The following MGRN1 variants were observed in gnomAD, a reference collection of about 807,000 sequenced individuals.
MGRN1 encodes E3 ubiquitin-protein ligase MGRN1.
A neutral mutation model predicts 69.2 loss-of-function variants in MGRN1; 29 were observed. The observed-to-expected ratio is 0.42, with a 90% confidence interval of 0.31 to 0.57. The LOEUF is 0.57. MGRN1 is among the 20% of genes least tolerant of loss of function. The pLI, the probability that MGRN1 is intolerant of heterozygous loss-of-function variation, is 0.15. For missense variants in MGRN1, 998 were observed against 796.2 expected (o/e 1.25, Z -3.05); for synonymous variants, 470 against 344.2 (o/e 1.37, Z -4.04).
chr16:4,634,410 T>A lies in MGRN1; in HGVS notation c.88+9362T>A, dbSNP rs185380591. On this transcript the variant is annotated intron_variant, in intron 1 of 16. Transcript: ENST00000262370. ...CCCACCTCCCAGACCCGGTGCCGCC[T>A]GGGTCCGACATTGCCTGGCTTTCCC... 3.3e-5 allele frequency: 5 copies of A among 152,714 alleles called. No homozygotes were observed. In the East Asian group the frequency reaches 9.6e-4, roughly 29 times the overall value. 9.5% of individuals were successfully genotyped at this position (152,714 alleles called of 1,614,324 possible).
At chr16:4,667,613 C>T (rs1159680957) in intron 7 of MGRN1, among the ~76,000 whole-genome samples, 1 of 152,206 alleles carries the variant, frequency 6.6e-6, no homozygotes, top group Non-Finnish European at 1.5e-5. Context: ...TTAGAACCCA[C>T]CAGCCTCACT....
chr16:4,677,362 C>T (rs1034661577), intron 10 of MGRN1, 101 bp from the exon 11 acceptor site: 5 of 852,352 alleles, frequency 5.9e-6, no homozygotes, highest in African/African-American at 3.6e-5. Flanking sequence ...CACCCCAGGA[C>T]CCCTATGGTG....
At chr16:4,641,328 G>A (rs923864613) in intron 1 of MGRN1, among the ~76,000 whole-genome samples, 1 of 151,722 alleles carries the variant, frequency 6.6e-6, no homozygotes, top group Non-Finnish European at 1.5e-5. Context: ...GGATACCCAT[G>A]TGTGAGCAAT....
rs950224969 is a variant in MGRN1 at position 4,690,153 on chromosome 16, G to A, written c.*1245G>A. The A allele has an allele frequency of 2.0e-5, 3 of 152,494 alleles. No homozygotes were observed. The highest frequency in any genetic ancestry group is 2.0e-4 in the Admixed American group (3 of 15,310). 9.4% of individuals were successfully genotyped at this position (152,494 alleles called of 1,614,324 possible). On this transcript the variant is annotated 3_prime_UTR_variant, in exon 17 of 17. Transcript: ENST00000262370. ...GAGGAGGAAGCCAGCAGCACACCTG[G>A]GGAATGGGGTCCCGGCCGGGAGGCT...
chr16:4,652,444 G>C (rs2078430358), intron 3 of MGRN1, among the ~76,000 whole-genome samples: 1 of 152,148 alleles, frequency 6.6e-6, no homozygotes, highest in South Asian at 2.1e-4. Flanking sequence ...AGGCATCTGG[G>C]GCTGTCTCTG....
intron 2 of MGRN1, chr16:4,650,781 C>G (rs1214823434): frequency 3.6e-6 from 1 of 279,800 alleles, no homozygotes; most frequent in African/African-American, 2.2e-5. Flanking sequence ...TTGATTCCAG[C>G]CTTCTTGGAT....
intron 1 of MGRN1, among the ~76,000 whole-genome samples, chr16:4,627,591 T>C (rs140724929): frequency 6.6e-6 from 1 of 151,542 alleles, no homozygotes. Flanking sequence ...ATGGAGACCA[T>C]CCTGGCTAAC....
chr16:4,632,951 C>T (rs942828996), intron 1 of MGRN1, among the ~76,000 whole-genome samples: 7 of 152,102 alleles, frequency 4.6e-5, no homozygotes, highest in African/African-American at 1.4e-4. Flanking sequence ...GGTGTGGTGG[C>T]GTCCACCTTT....
chr16:4,627,601 C>G (rs924094083), intron 1 of MGRN1, among the ~76,000 whole-genome samples: 41 of 151,748 alleles, frequency 2.7e-4, no homozygotes, highest in African/African-American at 9.5e-4. Context: ...TCCTGGCTAA[C>G]ACGGGGAAAC....
At chr16:4,644,548 G>C (rs1413770233) in intron 1 of MGRN1, among the ~76,000 whole-genome samples, 6 of 152,084 alleles carry the variant, frequency 3.9e-5, no homozygotes, top group Non-Finnish European at 7.4e-5. Flanking sequence ...GACCTCAGGT[G>C]ATCCACCCAC....
At chr16:4,632,386 T>G (rs942716546) in intron 1 of MGRN1, among the ~76,000 whole-genome samples, 2 of 151,024 alleles carry the variant, frequency 1.3e-5, no homozygotes, top group African/African-American at 4.9e-5. Flanking sequence ...AGTCCAGTGG[T>G]TTTTTTTGTT....
At chr16:4,668,612 TCA>T (rs1248719580) in intron 8 of MGRN1, among the ~76,000 whole-genome samples, 3 of 140,880 alleles carry the variant, frequency 2.1e-5, no homozygotes, top group Admixed American at 6.8e-5. Context: ...ACACTCACAC[TCA>T]CATGCAGTCA....
At chr16:4,657,495 A>C (rs2078573845) in intron 5 of MGRN1, 132 bp downstream of exon 5, 1 of 861,456 alleles carries the variant, frequency 1.2e-6, no homozygotes, top group Non-Finnish European at 1.9e-6. Context: ...CGGCCGCCCC[A>C]GTCTGTGCTC....
intron 3 of MGRN1, 34 bp from the exon 4 acceptor site, chr16:4,652,644 G>A: frequency 6.3e-7 from 1 of 1,585,770 alleles, no homozygotes; most frequent in Non-Finnish European, 8.6e-7. Flanking sequence ...TGGGGCCGCT[G>A]ACCCGCTGCC....
chr16:4,637,497 T>C (rs1351224115), intron 1 of MGRN1, among the ~76,000 whole-genome samples: 1 of 152,122 alleles, frequency 6.6e-6, no homozygotes, highest in Non-Finnish European at 1.5e-5. Context: ...CTTTCCTAAG[T>C]GCTTTTTATT....
At chr16:4,647,617 C>T (rs2078301971) in intron 1 of MGRN1, among the ~76,000 whole-genome samples, 1 of 152,210 alleles carries the variant, frequency 6.6e-6, no homozygotes, top group African/African-American at 2.4e-5. Context: ...CGTGCGGTGA[C>T]CCCTCAGAAA....
At chr16:4,633,128 C>T (rs867354897) in intron 1 of MGRN1, among the ~76,000 whole-genome samples, 2 of 151,982 alleles carry the variant, frequency 1.3e-5, no homozygotes, top group African/African-American at 2.4e-5. Context: ...TGGCTCACAC[C>T]TGTAATCCTA....
chr16:4,683,715 G>A, intron 15 of MGRN1, 128 bp from the exon 16 acceptor site: 1 of 719,148 alleles, frequency 1.4e-6, no homozygotes, highest in Non-Finnish European at 2.3e-6. Context: ...AGTCCTGCTG[G>A]AGCACAAGCC....
chr16:4,679,289 G>T (rs1248067094), intron 11 of MGRN1, among the ~76,000 whole-genome samples: 1 of 152,182 alleles, frequency 6.6e-6, no homozygotes, highest in Non-Finnish European at 1.5e-5. Context: ...GGTGGCTGAG[G>T]ATCCAGTAGG....
Sources: allele counts gnomAD v4.1 joint callset (sites outside exome capture counted in the v4.1 genomes callset), GRCh38; gene constraint gnomAD v4.1.1; transcripts MANE v1.5; gene names NCBI Gene and HGNC (gene_info 2026-07-23, HGNC 2026-07-21).